The following CSMD1 variants were observed in gnomAD, a reference collection of about 807,000 sequenced individuals.
CSMD1 encodes the protein CUB and Sushi multiple domains 1, also known as CUB and sushi domain-containing protein 1.
CSMD1 carries 213 observed loss-of-function variants against 417.5 expected under a neutral mutation model. The observed-to-expected ratio is 0.51, with a 90% CI of 0.46 to 0.57. The LOEUF (loss-of-function observed/expected upper bound fraction) is 0.57. Among genes scored for constraint, CSMD1 ranks in the 20% least tolerant of loss-of-function variants. The probability of loss-of-function intolerance (pLI) is 0.00; values close to 1 mark genes in which losing one functional copy is unlikely to be tolerated. For synonymous variants in CSMD1, 2,862 were observed against 1,736.8 expected (o/e 1.65, Z -16.11); for missense variants, 6,923 against 4,529.7 (o/e 1.53, Z -15.17).
At chr8:4,039,092 G>T (rs1295303516) in intron 3 of CSMD1, among the ~76,000 whole-genome samples, 1 of 152,162 alleles carries the variant, frequency 6.6e-6, no homozygotes, top group African/African-American at 2.4e-5. Flanking sequence ...CATGGGACAA[G>T]GCTATCGAAA....
At chr8:4,486,136 T>TATAC (rs1432591750) in intron 2 of CSMD1, among the ~76,000 whole-genome samples, 1 of 31,530 alleles carries the variant, frequency 3.2e-5, no homozygotes, top group African/African-American at 1.1e-4. Context: ...TATATATATA[T>TATAC]ACATACATAT....
At chr8:3,921,135 T>C (rs936165323) in intron 5 of CSMD1, among the ~76,000 whole-genome samples, 11 of 152,184 alleles carry the variant, frequency 7.2e-5, no homozygotes, top group Non-Finnish European at 1.0e-4. Flanking sequence ...ACTGACACAT[T>C]TCCCTTATTT....
chr8:4,263,287 A>G (rs1471898228), intron 3 of CSMD1, among the ~76,000 whole-genome samples: 2 of 152,258 alleles, frequency 1.3e-5, no homozygotes, highest in South Asian at 2.1e-4. Context: ...ACAAAAATGT[A>G]CGGTACAGAT....
intron 3 of CSMD1, among the ~76,000 whole-genome samples, chr8:4,164,012 T>A (rs1417403562): frequency 2.6e-5 from 4 of 152,192 alleles, no homozygotes; most frequent in Non-Finnish European, 5.9e-5. Context: ...AGAAATTAAA[T>A]AAGCAGAGTA....
chr8:3,996,453 T>TC (rs1436648055), intron 5 of CSMD1, among the ~76,000 whole-genome samples: 4 of 151,816 alleles, frequency 2.6e-5, no homozygotes, highest in African/African-American at 9.7e-5. Flanking sequence ...GATTTTTTTT[T>TC]TAGCACAGCC....
In CSMD1 at chr8:4,316,146, C is replaced by G. The variant is rs6993557; in HGVS notation, c.415+103807G>C. ...TAACCATTCAAAAACCTTCAACAAT[C>G]CAAATACTCCCTTTCAATTATGTAG... On this transcript the variant is annotated intron_variant, in intron 3 of 69. Transcript: ENST00000635120. Among the ~76,000 whole-genome samples the G allele has an allele frequency of 8.5e-3, 1,291 of 152,164 alleles. 20 individuals are homozygous for G. Among genetic ancestry groups the G allele is most frequent in the African/African-American group, 0.03 (1,240 of 41,534 alleles).
At chr8:3,241,085 G>A (rs1206943173) in intron 26 of CSMD1, among the ~76,000 whole-genome samples, 3 of 151,048 alleles carry the variant, frequency 2.0e-5, no homozygotes, top group East Asian at 3.9e-4. Flanking sequence ...ACAAGAGGAG[G>A]ACGCAACGGA....
Position 3,909,963 on chromosome 8 carries a change from C to T in CSMD1, c.818+87940G>A, listed in dbSNP as rs141959384. Among the ~76,000 whole-genome samples, 523 of 152,156 alleles carry T rather than the reference C, an allele frequency of 3.4e-3. 5 individuals are homozygous for T. Among genetic ancestry groups the T allele is most frequent in the Non-Finnish European group, 4.5e-3 (307 of 68,006 alleles). ...AAAAAATGGCTTTTTGACTGATATGCAGACAACACTTGGGAGTAACTAGAA... is the reference window on the plus strand; with the variant it reads ...AAAAAATGGCTTTTTGACTGATATGTAGACAACACTTGGGAGTAACTAGAA... On this transcript the variant is annotated intron_variant, in intron 5 of 69. Coordinates refer to ENST00000635120, the MANE Select transcript of CSMD1 (RefSeq NM_033225.6).
intron 7 of CSMD1, among the ~76,000 whole-genome samples, chr8:3,686,184 G>T (rs1409657199): frequency 6.6e-6 from 1 of 152,032 alleles, no homozygotes; most frequent in African/African-American, 2.4e-5. Context: ...AATTAAGCTT[G>T]GGCTTGTTTC....
In CSMD1 at chr8:3,720,432, C is replaced by G. The variant is rs555916314; in HGVS notation, c.932-11941G>C. The stretch of plus-strand genomic sequence containing the variant: ...CAACAACCTCACTGTAAACTATTTC[C>G]TTTAAGCACTTCAACAGAATACATG... On this transcript the variant is annotated intron_variant, in intron 6 of 69. Coordinates refer to ENST00000635120, the MANE Select transcript of CSMD1 (RefSeq NM_033225.6). Among the ~76,000 whole-genome samples, 4 of 152,304 alleles carry G rather than the reference C, an allele frequency of 2.6e-5. No homozygotes were observed. The South Asian group carries it at 6.2e-4, about 24-fold the overall frequency.
chr8:4,022,087 A>ACT (rs1324445245), intron 4 of CSMD1, among the ~76,000 whole-genome samples: 4 of 113,434 alleles, frequency 3.5e-5, no homozygotes, highest in Non-Finnish European at 5.9e-5. Context: ...GCATGTATCC[A>ACT]CACACACACA....
intron 2 of CSMD1, among the ~76,000 whole-genome samples, chr8:4,471,498 A>G (rs1026528762): frequency 5.3e-5 from 8 of 152,160 alleles, no homozygotes; most frequent in Non-Finnish European, 1.5e-5. Flanking sequence ...AACATGGCTC[A>G]GTGTCTGGGT....
At chr8:3,953,771 T>C (rs1008529598) in intron 5 of CSMD1, among the ~76,000 whole-genome samples, 2 of 151,902 alleles carry the variant, frequency 1.3e-5, no homozygotes, top group Non-Finnish European at 2.9e-5. Flanking sequence ...CAGCTGAGCT[T>C]ATCCACAAGC....
At chr8:2,946,133 T>G (rs1802216229) in intron 68 of CSMD1, among the ~76,000 whole-genome samples, 1 of 152,204 alleles carries the variant, frequency 6.6e-6, no homozygotes. Context: ...ATGGCAGCTG[T>G]GGTGTCACCA....
intron 50 of CSMD1, among the ~76,000 whole-genome samples, chr8:3,044,886 T>C (rs1465201777): frequency 6.6e-6 from 1 of 152,226 alleles, no homozygotes; most frequent in Non-Finnish European, 1.5e-5. Context: ...TACCATCATA[T>C]CATACAAAGG....
chr8:4,898,625 AATTT>A (rs1804660299), intron 1 of CSMD1, among the ~76,000 whole-genome samples: 1 of 152,182 alleles, frequency 6.6e-6, no homozygotes, highest in African/African-American at 2.4e-5. Context: ...TCTGGAATGA[AATTT>A]TTTTTATGAA....
At chr8:3,926,737 T>A (rs565832728) in intron 5 of CSMD1, among the ~76,000 whole-genome samples, 2 of 138,820 alleles carry the variant, frequency 1.4e-5, no homozygotes, top group African/African-American at 2.6e-5. Flanking sequence ...TTTTTTTTTT[T>A]ATGGAGTCCC....
chr8:4,529,064 G>A (rs73182921), intron 2 of CSMD1, among the ~76,000 whole-genome samples: 2 of 152,042 alleles, frequency 1.3e-5, no homozygotes, highest in African/African-American at 2.4e-5. Context: ...ATGATGATCT[G>A]AAAAGTTGAT....
In CSMD1 at chr8:4,119,913, T is replaced by G. The variant is rs1309664213; in HGVS notation, c.416-87814A>C. The stretch of plus-strand genomic sequence containing the variant: ...AGTTGCCGGAGTCTGGTAAGGGTAG[T>G]GGGAGGGTGAGAGGAGCTGGGGATG... On this transcript the variant is annotated intron_variant, in intron 3 of 69. Transcript: ENST00000635120. Among the ~76,000 whole-genome samples, 11 of 151,544 alleles carry G rather than the reference T, an allele frequency of 7.3e-5. 1 individual carries two copies. Among genetic ancestry groups the G allele is most frequent in the Non-Finnish European group, 8.8e-5 (6 of 67,954 alleles).
Sources: allele counts gnomAD v4.1 joint callset (sites outside exome capture counted in the v4.1 genomes callset), GRCh38; gene constraint gnomAD v4.1.1; transcripts MANE v1.5; gene names NCBI Gene and HGNC (gene_info 2026-07-23, HGNC 2026-07-21).